PLCE1: variants seen among roughly 807,000 people sequenced by gnomAD.
PLCE1 encodes 1-phosphatidylinositol 4,5-bisphosphate phosphodiesterase epsilon-1.
Under a neutral mutation model 242.8 loss-of-function variants are expected in PLCE1, and 119 were observed. The observed-to-expected ratio is 0.49, with a 90% CI of 0.42 to 0.57. The LOEUF (loss-of-function observed/expected upper bound fraction) is 0.57, where lower values mean the gene tolerates loss of function less well. PLCE1 is among the 20% of genes least tolerant of loss of function. The pLI, the probability that PLCE1 is intolerant of heterozygous loss-of-function variation, is 0.00. For missense variants in PLCE1, 2,441 were observed against 2,788.8 expected (o/e 0.88, Z 2.81); for synonymous variants, 945 against 1,017.4 (o/e 0.93, Z 1.35).
chr10:94,069,179 A>G (rs2044281795), intron 2 of PLCE1, among the ~76,000 whole-genome samples: 1 of 152,214 alleles, frequency 6.6e-6, no homozygotes, highest in South Asian at 2.1e-4. Flanking sequence ...TTTGCCCACC[A>G]TATCAGGCTG....
chr10:94,064,857 CA>C (rs2044155475), intron 2 of PLCE1, among the ~76,000 whole-genome samples: 1 of 152,102 alleles, frequency 6.6e-6, no homozygotes, highest in African/African-American at 2.4e-5. Context: ...AGCTGTGTCC[CA>C]CCTTTTCCTG....
intron 4 of PLCE1, among the ~76,000 whole-genome samples, chr10:94,200,168 A>G (rs2048949672): frequency 6.6e-6 from 1 of 152,252 alleles, no homozygotes; most frequent in Non-Finnish European, 1.5e-5. Context: ...CTGAGAGGGC[A>G]TAGAAACAAC....
intron 3 of PLCE1, among the ~76,000 whole-genome samples, chr10:94,148,543 T>A (rs1366143608): frequency 6.6e-6 from 1 of 152,224 alleles, no homozygotes; most frequent in Non-Finnish European, 1.5e-5. Flanking sequence ...AAGGTCTCTC[T>A]GGTCTTCCTC....
chr10:94,148,744 T>C (rs920330052), intron 3 of PLCE1, among the ~76,000 whole-genome samples: 1 of 152,186 alleles, frequency 6.6e-6, no homozygotes, highest in Non-Finnish European at 1.5e-5. Flanking sequence ...GGAAAGGCTA[T>C]ACAGACACAC....
chr10:94,061,796 G>T (rs942184072), intron 2 of PLCE1, among the ~76,000 whole-genome samples: 2 of 152,044 alleles, frequency 1.3e-5, no homozygotes, highest in African/African-American at 4.8e-5. Flanking sequence ...TTAAATTGTA[G>T]CACACTGAAA....
intron 2 of PLCE1, among the ~76,000 whole-genome samples, chr10:94,066,511 G>A (rs1412634816): frequency 1.3e-5 from 2 of 152,114 alleles, no homozygotes; most frequent in Non-Finnish European, 2.9e-5. Flanking sequence ...TTAATGGAGA[G>A]GCAGGGAGAC....
At chr10:94,187,144 A>ATATG (rs1187436198) in intron 4 of PLCE1, among the ~76,000 whole-genome samples, 4 of 125,930 alleles carry the variant, frequency 3.2e-5, no homozygotes, top group African/African-American at 1.4e-4. Flanking sequence ...GATGAAACAT[A>ATATG]TATGTGTGTG....
intron 1 of PLCE1, among the ~76,000 whole-genome samples, chr10:94,000,186 CAA>C (rs2060907212): frequency 6.6e-6 from 1 of 152,188 alleles, no homozygotes; most frequent in Admixed American, 6.5e-5. Context: ...TATTGTTAGA[CAA>C]AGAGACAAGT....
At chr10:94,266,511 G>A (rs1029211295) in intron 16 of PLCE1, among the ~76,000 whole-genome samples, 1 of 152,194 alleles carries the variant, frequency 6.6e-6, no homozygotes, top group African/African-American at 2.4e-5. Flanking sequence ...TTGAAACTCA[G>A]TAGGTTCTCT....
intron 4 of PLCE1, among the ~76,000 whole-genome samples, chr10:94,180,944 C>T (rs1369098338): frequency 6.6e-6 from 1 of 152,210 alleles, no homozygotes; most frequent in Non-Finnish European, 1.5e-5. Context: ...ACTCTTTATA[C>T]ATTACACAGT....
chr10:94,293,317 T>C lies in PLCE1; in HGVS notation c.5036-191T>C, dbSNP rs573426837. Among the ~76,000 whole-genome samples, 3 of 152,350 alleles carry C rather than the reference T, an allele frequency of 2.0e-5. No homozygotes were observed. In the East Asian group the frequency reaches 5.8e-4, roughly 29 times the overall value. On this transcript the variant is annotated intron_variant, in intron 22 of 32. Transcript: ENST00000371380. ...ATGCAGTTCTTGTTGCATTTGCCTATAGAGATTTTTAAAACTTTGCTTTAA... is the reference window on the plus strand; with the variant it reads ...ATGCAGTTCTTGTTGCATTTGCCTACAGAGATTTTTAAAACTTTGCTTTAA...
chr10:94,075,998 G>A (rs769500220), intron 2 of PLCE1, among the ~76,000 whole-genome samples: 1 of 152,152 alleles, frequency 6.6e-6, no homozygotes, highest in Non-Finnish European at 1.5e-5. Flanking sequence ...CTACTTTACA[G>A]GAGAGGAAAT....
chr10:94,225,112 A>C (rs1373807223), intron 4 of PLCE1: 2 of 152,236 alleles, frequency 1.3e-5, no homozygotes, highest in Non-Finnish European at 2.9e-5. Flanking sequence ...GGGAAGAGGA[A>C]GATTATTAAT....
In PLCE1 at chr10:94,245,056, T is replaced by TA. The variant is rs1224566286; in HGVS notation, c.2421-883dup. 5.9e-5 allele frequency among the ~76,000 whole-genome samples: 9 copies of TA among 152,196 alleles called. No homozygotes were observed. In the East Asian group the frequency reaches 9.6e-4, roughly 16 times the overall value. The stretch of plus-strand genomic sequence containing the variant: ...AAGTCCTTTTTTAACCTAAAAAGGT[T>TA]AAAAAAACCTAAAAAGGACTAAAGT... On this transcript the variant is annotated intron_variant, in intron 7 of 32. Coordinates refer to ENST00000371380, the MANE Select transcript of PLCE1 (RefSeq NM_016341.4).
At chr10:94,110,907 T>C (rs985877265) in intron 2 of PLCE1, among the ~76,000 whole-genome samples, 4 of 152,326 alleles carry the variant, frequency 2.6e-5, no homozygotes, top group Admixed American at 2.0e-4. Context: ...CACTGGACAA[T>C]GTTTAGCAGC....
At chr10:94,285,126 C>T (rs2052392482) in intron 22 of PLCE1, among the ~76,000 whole-genome samples, 161 bp downstream of exon 22, 1 of 151,944 alleles carries the variant, frequency 6.6e-6, no homozygotes, top group Non-Finnish European at 1.5e-5. Flanking sequence ...TATAATTTGC[C>T]TTGATGCTCA....
At chr10:94,247,907 G>C (rs188259290) in intron 8 of PLCE1, among the ~76,000 whole-genome samples, 5 of 152,316 alleles carry the variant, frequency 3.3e-5, no homozygotes, top group Non-Finnish European at 7.4e-5. Context: ...TCCACAAGCA[G>C]GTGACACTTG....
At position 94,054,104 on chromosome 10, in the gene PLCE1, T is replaced by G. The variant is rs148210382; in HGVS notation, c.1206+21852T>G. ...TTATGGTCTAGTGGGGCCTTCCTTC[T>G]GTCACGGCAATTAAAGACACATCCC... On this transcript the variant is annotated intron_variant, in intron 2 of 32. Transcript: ENST00000371380. Among the ~76,000 whole-genome samples, 609 of 152,260 alleles carry G rather than the reference T, an allele frequency of 4.0e-3. 3 individuals are homozygous for G. Among genetic ancestry groups the G allele is most frequent in the African/African-American group, 0.014 (579 of 41,564 alleles).
chr10:94,184,725 T>C (rs1305879001), intron 4 of PLCE1, among the ~76,000 whole-genome samples: 1 of 152,238 alleles, frequency 6.6e-6, no homozygotes, highest in Non-Finnish European at 1.5e-5. Flanking sequence ...GTTAGTTTTC[T>C]GTACATAGCC....
Sources: allele counts gnomAD v4.1 joint callset (sites outside exome capture counted in the v4.1 genomes callset), GRCh38; gene constraint gnomAD v4.1.1; transcripts MANE v1.5; gene names NCBI Gene and HGNC (gene_info 2026-07-23, HGNC 2026-07-21).